The following SLC15A2 variants were observed in gnomAD, a reference collection of about 807,000 sequenced individuals.
SLC15A2 encodes kidney H(+)/peptide cotransporter.
A neutral mutation model predicts 95.5 loss-of-function variants in SLC15A2; 77 were observed. The ratio of observed to expected loss-of-function variants is 0.81; its 90% CI spans 0.67 to 0.97. The LOEUF is 0.97. Ranked by LOEUF, SLC15A2 falls within the 50% of genes least tolerant of loss-of-function variation. The pLI is 0.00. For synonymous variants in SLC15A2, 306 were observed against 306.9 expected, an observed-to-expected ratio of 1.00 and a Z score of 0.03; for missense variants, 893 against 874.4, an observed-to-expected ratio of 1.02 and a Z score of -0.27.
At chr3:121,938,485 C>G (rs374446996) in intron 19 of SLC15A2, among the ~76,000 whole-genome samples, 1 of 152,146 alleles carries the variant, frequency 6.6e-6, no homozygotes, top group East Asian at 1.9e-4. Flanking sequence ...TTTTTAAGCC[C>G]GTCGGAAAAG....
In SLC15A2 at chr3:121,924,978, C is replaced by A; in HGVS notation, c.1069C>A (p.Pro357Thr). Residue 357 changes from proline to threonine, a missense_variant, in exon 13 of 22, where the codon CCG becomes ACG. Physicochemically the swap from Pro to Thr is conservative, Grantham distance 38. Coordinates refer to ENST00000489711, the MANE Select transcript of SLC15A2 (RefSeq NM_021082.4). ...LNPLLVLIFIPLFDFVIYRLV... is the reference protein window; with the variant it reads ...LNPLLVLIFITLFDFVIYRLV... ...TCCCCTTCTGGTTCTTATCTTCATC[C>A]CGTTGTTTGACTTTGTCATTTATCG... 6.2e-7 allele frequency: 1 copy of A among 1,613,090 alleles called. No homozygotes were observed. The highest frequency in any genetic ancestry group is 1.1e-5 in the South Asian group (1 of 91,054).
intron 3 of SLC15A2, among the ~76,000 whole-genome samples, chr3:121,898,199 T>C (rs1709457524): frequency 6.6e-6 from 1 of 152,022 alleles, no homozygotes; most frequent in South Asian, 2.1e-4. Flanking sequence ...TGCTTTTATG[T>C]AGTTATTTGA....
At chr3:121,931,488 C>T in intron 18 of SLC15A2, 151 bp from the exon 19 acceptor site, 1 of 546,062 alleles carries the variant, frequency 1.8e-6, no homozygotes. Context: ...ATGAAAATAA[C>T]CTACTCCAAG....
intron 2 of SLC15A2, 44 bp downstream of exon 2, chr3:121,896,537 C>T (rs779127661): frequency 7.0e-7 from 1 of 1,428,482 alleles, no homozygotes; most frequent in South Asian, 1.1e-5. Flanking sequence ...CTCCACCCAC[C>T]CTCACCCCAT....
intron 1 of SLC15A2, among the ~76,000 whole-genome samples, chr3:121,895,962 C>G (rs1709406603): frequency 1.3e-5 from 2 of 152,184 alleles, no homozygotes; most frequent in Admixed American, 1.3e-4. Context: ...GCATGGCAAA[C>G]AGAACAGCTG....
At chr3:121,911,362 A>G (rs1377084760) in intron 3 of SLC15A2, among the ~76,000 whole-genome samples, 1 of 152,166 alleles carries the variant, frequency 6.6e-6, no homozygotes, top group African/African-American at 2.4e-5. Context: ...TACCTCTAAC[A>G]CTAAAGAGTG....
intron 19 of SLC15A2, among the ~76,000 whole-genome samples, chr3:121,936,185 C>G (rs566256058): frequency 1.3e-5 from 2 of 152,194 alleles, no homozygotes; most frequent in African/African-American, 4.8e-5. Context: ...TTACTTCCAA[C>G]TATGTGGTCA....
At chr3:121,936,629 C>A (rs1277178439) in intron 19 of SLC15A2, among the ~76,000 whole-genome samples, 3 of 151,910 alleles carry the variant, frequency 2.0e-5, no homozygotes, top group Non-Finnish European at 4.4e-5. Context: ...AGATCTTCCT[C>A]CACCCTTTTA....
rs145139853 is a variant in SLC15A2 at position 121,905,118 on chromosome 3, T to G, written c.336-6456T>G. On this transcript the variant is annotated intron_variant, in intron 3 of 21. Transcript: ENST00000489711. ...CAGAAATTTATCCATTTCTTCTAGA[T>G]TTTCTAGTTTATTTGCATAGAGGTG... is the stretch of plus-strand genomic sequence containing the variant. Among the ~76,000 whole-genome samples, 66 of 152,316 alleles carry G rather than the reference T, an allele frequency of 4.3e-4. 1 individual carries two copies. In the East Asian group the frequency reaches 0.012, roughly 28 times the overall value.
intron 3 of SLC15A2, among the ~76,000 whole-genome samples, chr3:121,907,767 G>T (rs370208814): frequency 3.3e-5 from 5 of 152,170 alleles, no homozygotes; most frequent in Non-Finnish European, 5.9e-5. Context: ...AGGGACACCC[G>T]CCTGTAATGA....
At chr3:121,940,325 C>A in intron 20 of SLC15A2, 59 bp from the exon 21 acceptor site, 1 of 1,279,186 alleles carries the variant, frequency 7.8e-7, no homozygotes, top group Non-Finnish European at 1.1e-6. Flanking sequence ...TTCCTGGATG[C>A]ATGGGGCATG....
chr3:121,937,100 T>A (rs1710362820), intron 19 of SLC15A2, among the ~76,000 whole-genome samples: 1 of 121,906 alleles, frequency 8.2e-6, no homozygotes, highest in African/African-American at 3.2e-5. Context: ...GCCCCCACTC[T>A]CTTCTGGCTT....
In SLC15A2 at chr3:121,923,207, A is replaced by G. The variant is rs978996300; in HGVS notation, c.958-15A>G. 1.9e-6 allele frequency: 3 copies of G among 1,613,796 alleles called. No individual in the cohort carries two copies. The African/African-American group carries it at 4.0e-5, about 22-fold the overall frequency. On this transcript the variant is annotated splice_polypyrimidine_tract_variant and intron_variant, in intron 10 of 21. Coordinates refer to ENST00000489711, the MANE Select transcript of SLC15A2 (RefSeq NM_021082.4). ...CAGGAAAGGGATTTCTCATAACAGG[A>G]TCTGTTTGCCCTAGGGTTCACGATG...
intron 2 of SLC15A2, 93 bp from the exon 3 acceptor site, chr3:121,897,295 A>G (rs1028481493): frequency 6.7e-7 from 1 of 1,486,796 alleles, no homozygotes; most frequent in Non-Finnish European, 9.1e-7. Context: ...ATCACATTAT[A>G]AAGACCAGAG....
At chr3:121,901,869 T>TG (rs1559839599) in intron 3 of SLC15A2, among the ~76,000 whole-genome samples, 1 of 145,224 alleles carries the variant, frequency 6.9e-6, no homozygotes, top group African/African-American at 2.6e-5. Context: ...GTGTGTGTGG[T>TG]GTGTTTACTT....
intron 20 of SLC15A2, 70 bp from the exon 21 acceptor site, chr3:121,940,314 T>A: frequency 8.6e-7 from 1 of 1,166,656 alleles, no homozygotes; most frequent in Non-Finnish European, 1.3e-6. Flanking sequence ...GTGGGAGAAG[T>A]TTCCTGGATG....
At chr3:121,933,800 C>A (rs1407268566) in intron 19 of SLC15A2, among the ~76,000 whole-genome samples, 1 of 148,772 alleles carries the variant, frequency 6.7e-6, no homozygotes, top group African/African-American at 2.5e-5. Flanking sequence ...GCTTTTGTTG[C>A]CATTGCTTTT....
intron 12 of SLC15A2, 100 bp from the exon 13 acceptor site, chr3:121,924,845 T>A: frequency 1.2e-6 from 1 of 837,502 alleles, no homozygotes; most frequent in Non-Finnish European, 2.1e-6. Context: ...CAAAAGTGTG[T>A]GTAGATGTGA....
chr3:121,940,736 A>G, intron 21 of SLC15A2, 95 bp from the exon 22 acceptor site: 1 of 1,324,572 alleles, frequency 7.5e-7, no homozygotes, highest in Non-Finnish European at 1.0e-6. Context: ...TAAACTGGTG[A>G]TCCCAGGTCA....
Sources: gnomAD v4.1 joint callset for allele counts (sites outside exome capture counted in the v4.1 genomes callset) on GRCh38, gnomAD v4.1.1 for gene constraint, MANE v1.5 for transcripts, NCBI Gene and HGNC (gene_info 2026-07-23, HGNC 2026-07-21) for gene names.